PDSS2: variants seen among roughly 807,000 people sequenced by gnomAD.
PDSS2 encodes all trans-polyprenyl-diphosphate synthase PDSS2.
A neutral mutation model predicts 44.5 loss-of-function variants in PDSS2; 31 were observed. The ratio of observed to expected loss-of-function variants is 0.70; its 90% CI spans 0.52 to 0.94. The LOEUF (loss-of-function observed/expected upper bound fraction) is 0.94. Ranked by LOEUF, PDSS2 falls within the 40% of genes least tolerant of loss-of-function variation. PDSS2 has a pLI of 0.00. For synonymous variants in PDSS2, 157 were observed against 180.3 expected (o/e 0.87, Z 1.03); for missense variants, 452 against 482.2 (o/e 0.94, Z 0.59).
At chr6:107,286,429 G>C (rs2114999902) in intron 2 of PDSS2, among the ~76,000 whole-genome samples, 1 of 152,066 alleles carries the variant, frequency 6.6e-6, no homozygotes, top group African/African-American at 2.4e-5. Context: ...AGAATTGCTT[G>C]AACCTGAGAG....
intron 2 of PDSS2, among the ~76,000 whole-genome samples, chr6:107,288,374 C>A (rs1776225011): frequency 6.6e-6 from 1 of 152,010 alleles, no homozygotes; most frequent in Admixed American, 6.6e-5. Context: ...TAGTTCAGTG[C>A]CTGGTAGGCC....
chr6:107,376,645 A>G (rs2114428639), intron 1 of PDSS2, among the ~76,000 whole-genome samples: 1 of 152,242 alleles, frequency 6.6e-6, no homozygotes, highest in South Asian at 2.1e-4. Flanking sequence ...TTATCAGCTT[A>G]AGGAGATTTT....
At position 107,459,519 on chromosome 6, in the gene PDSS2, G is replaced by C; in HGVS notation, c.-234C>G. On this transcript the variant is annotated 5_prime_UTR_variant, in exon 1 of 8. Coordinates refer to ENST00000369037, the MANE Select transcript of PDSS2 (RefSeq NM_020381.4). The surrounding 1 kb of genome is among the most constrained non-coding windows in gnomAD (Gnocchi z 4.3). Reference sequence around the variant, plus strand: ...GCACTGCCCCCGGCCACCCGGGGTAGAAACCACAGCCACTGCCTATGTGGA... The same window carrying C: ...GCACTGCCCCCGGCCACCCGGGGTACAAACCACAGCCACTGCCTATGTGGA... The C allele has an allele frequency of 1.7e-6, 1 of 573,088 alleles. No homozygotes were observed. The highest frequency in any genetic ancestry group is 3.1e-6 in the Non-Finnish European group (1 of 322,074). The allele number at this position is 573,088 out of a possible 1,614,324, so 35.5% of individuals were successfully genotyped here. A position where few individuals can be genotyped will look rare whatever the true frequency, so the allele number is the denominator to read the frequency against.
chr6:107,161,330 A>G (rs1280399384), intron 7 of PDSS2, among the ~76,000 whole-genome samples: 1 of 151,966 alleles, frequency 6.6e-6, no homozygotes, highest in East Asian at 2.0e-4. Context: ...AATACAAAAA[A>G]TTAGCCAGGC....
intron 4 of PDSS2, among the ~76,000 whole-genome samples, chr6:107,228,715 T>TAAAC (rs1375885241): frequency 1.7e-5 from 2 of 116,264 alleles, no homozygotes; most frequent in African/African-American, 6.7e-5. Flanking sequence ...AATAAATAAA[T>TAAAC]AAATAAACAA....
intron 4 of PDSS2, among the ~76,000 whole-genome samples, chr6:107,237,218 C>T (rs1373915100): frequency 6.6e-6 from 1 of 151,892 alleles, no homozygotes; most frequent in Non-Finnish European, 1.5e-5. Flanking sequence ...CAGATATCAG[C>T]CATCACTCCT....
chr6:107,355,562 A>G (rs1778574039), intron 1 of PDSS2, among the ~76,000 whole-genome samples: 1 of 152,206 alleles, frequency 6.6e-6, no homozygotes, highest in African/African-American at 2.4e-5. Flanking sequence ...TCTTTCTCAT[A>G]GAGGTGAGAG....
intron 1 of PDSS2, among the ~76,000 whole-genome samples, chr6:107,366,380 G>T (rs1362445456): frequency 1.3e-5 from 2 of 151,898 alleles, no homozygotes; most frequent in Non-Finnish European, 2.9e-5. Context: ...ACAACTACAG[G>T]AGTACTTAGA....
At chr6:107,346,939 G>C (rs921290417) in intron 1 of PDSS2, among the ~76,000 whole-genome samples, 22 of 152,158 alleles carry the variant, frequency 1.4e-4, no homozygotes, top group Admixed American at 1.4e-3. Flanking sequence ...GTTCAACAAG[G>C]CTCCCAGGCA....
chr6:107,299,203 A>G (rs1207749418), intron 2 of PDSS2, among the ~76,000 whole-genome samples: 1 of 151,300 alleles, frequency 6.6e-6, no homozygotes, highest in Non-Finnish European at 1.5e-5. Flanking sequence ...GAATTAAAAG[A>G]AAAAAAACCC....
At chr6:107,208,048 G>A (rs529134982) in intron 6 of PDSS2, among the ~76,000 whole-genome samples, 93 of 137,668 alleles carry the variant, frequency 6.8e-4, no homozygotes, top group Non-Finnish European at 8.7e-4. Flanking sequence ...GTACGGTGGC[G>A]CAATCTTGGC....
chr6:107,371,157 G>A (rs1461822496), intron 1 of PDSS2, among the ~76,000 whole-genome samples: 1 of 146,014 alleles, frequency 6.8e-6, no homozygotes, highest in Non-Finnish European at 1.5e-5. Context: ...TCCAGCCTGG[G>A]CGACAAGAGC....
intron 4 of PDSS2, among the ~76,000 whole-genome samples, chr6:107,226,848 T>TAC (rs1773842531): frequency 6.6e-6 from 1 of 150,666 alleles, no homozygotes; most frequent in Non-Finnish European, 1.5e-5. Context: ...TTTTTCTGTA[T>TAC]TTTTAGTAGA....
At position 107,225,265 on chromosome 6, in the gene PDSS2, C is replaced by T. The variant is rs111806954; in HGVS notation, c.703-12983G>A. Among the ~76,000 whole-genome samples the T allele has an allele frequency of 1.4e-5, 2 of 139,798 alleles. 1 individual carries two copies. Among genetic ancestry groups the T allele is most frequent in the African/African-American group, 5.9e-5 (2 of 33,814 alleles). The allele number at this position is 139,798 out of a possible 152,430, so 91.7% of individuals were successfully genotyped here. A position where few individuals can be genotyped will look rare whatever the true frequency, so the allele number is the denominator to read the frequency against. On this transcript the variant is annotated intron_variant, in intron 4 of 7. Transcript: ENST00000369037. ...TGGGCTCACTGCAACCTCCGCCTCC[C>T]GGGTTCATGTGATTCTCTTGCCTCA...
intron 4 of PDSS2, among the ~76,000 whole-genome samples, chr6:107,237,498 C>T (rs1234890796): frequency 1.3e-5 from 2 of 152,024 alleles, no homozygotes; most frequent in African/African-American, 4.8e-5. Flanking sequence ...CTGCCTTGGC[C>T]TCCCAAAGTG....
At chr6:107,342,740 A>G (rs1778119195) in intron 1 of PDSS2, among the ~76,000 whole-genome samples, 1 of 152,180 alleles carries the variant, frequency 6.6e-6, no homozygotes, top group African/African-American at 2.4e-5. Flanking sequence ...AAATTTTGAG[A>G]TTTATGAATA....
At chr6:107,265,088 A>G (rs1429765121) in intron 3 of PDSS2, among the ~76,000 whole-genome samples, 1 of 152,222 alleles carries the variant, frequency 6.6e-6, no homozygotes, top group Non-Finnish European at 1.5e-5. Flanking sequence ...CTATAATGGT[A>G]AGAAGACAAT....
chr6:107,340,949 TTA>T lies in PDSS2; in HGVS notation c.297-6619_297-6618del, dbSNP rs141065504. Among the ~76,000 whole-genome samples, 766 of 152,214 alleles carry T rather than the reference TTA, an allele frequency of 5.0e-3. 3 individuals carry two copies. Among genetic ancestry groups the T allele is most frequent in the African/African-American group, 0.017 (722 of 41,524 alleles). On this transcript the variant is annotated intron_variant, in intron 1 of 7. Coordinates refer to ENST00000369037, the MANE Select transcript of PDSS2 (RefSeq NM_020381.4). ...GAGTGAAGGGCCTTGAAAGTCAGGT[TTA>T]GAGTCTGGACTTAATTCTGCAGGAA...
intron 2 of PDSS2, among the ~76,000 whole-genome samples, chr6:107,330,000 C>CA (rs1373675376): frequency 0.052 from 3,368 of 64,498 alleles, 114 homozygotes; most frequent in African/African-American, 0.15. Flanking sequence ...GACTCTGTCT[C>CA]AAAAAAAAAA....
Sources: allele counts gnomAD v4.1 joint callset (sites outside exome capture counted in the v4.1 genomes callset), GRCh38; gene constraint gnomAD v4.1.1; non-coding constraint Gnocchi (gnomAD v3.1); transcripts MANE v1.5; gene names NCBI Gene and HGNC (gene_info 2026-07-23, HGNC 2026-07-21).